The following CHLSN variants were observed in gnomAD, a reference collection of about 807,000 sequenced individuals.
CHLSN encodes the protein cholesin.
the CHLSN span, among the ~76,000 whole-genome samples, chr7:1,052,862 T>C: frequency 6.6e-6 from 1 of 152,158 alleles, no homozygotes; most frequent in African/African-American, 2.4e-5. This position sits in a 1 kb window ranked among gnomAD's most constrained non-coding sequence, Gnocchi z 4.2. Context: ...CTCTCCTGCC[T>C]TCTGAGGGAG....
the CHLSN span, among the ~76,000 whole-genome samples, chr7:1,114,543 C>T: frequency 2.0e-5 from 3 of 152,350 alleles, no homozygotes; most frequent in Middle Eastern, 3.4e-3. Flanking sequence ...CGGCTGCCCC[C>T]GCTCGGCCGC....
the CHLSN span, chr7:1,091,990 C>A: frequency 6.2e-7 from 1 of 1,614,086 alleles, no homozygotes; most frequent in Non-Finnish European, 8.5e-7. Context: ...CATCAGCTTC[C>A]GCGAGAAGAT....
At chr7:1,117,285 C>T in the CHLSN span, among the ~76,000 whole-genome samples, 1 of 82,540 alleles carries the variant, frequency 1.2e-5, no homozygotes, top group Non-Finnish European at 2.3e-5. Flanking sequence ...CCGACGCCCA[C>T]GCAGGATGAT....
the CHLSN span, among the ~76,000 whole-genome samples, chr7:1,121,523 G>A: frequency 2.6e-5 from 4 of 152,216 alleles, no homozygotes; most frequent in African/African-American, 9.7e-5. Flanking sequence ...CGGTCTTCAT[G>A]CTCTAGTAAT....
chr7:983,682 G>A, the CHLSN span, among the ~76,000 whole-genome samples: 1 of 152,248 alleles, frequency 6.6e-6, no homozygotes, highest in Non-Finnish European at 1.5e-5. Context: ...AGAGCCCGCA[G>A]GAGGCCAGGC....
the CHLSN span, chr7:1,092,725 G>T: frequency 6.2e-7 from 1 of 1,613,574 alleles, no homozygotes; most frequent in Non-Finnish European, 8.5e-7. Context: ...GACCTTCAGG[G>T]ACAAGCTGAG....
At chr7:1,012,143 G>A in the CHLSN span, among the ~76,000 whole-genome samples, 1 of 152,250 alleles carries the variant, frequency 6.6e-6, no homozygotes, top group Non-Finnish European at 1.5e-5. Context: ...CCACTCCATG[G>A]GCCACGCAGT....
the CHLSN span, among the ~76,000 whole-genome samples, chr7:1,060,542 G>A: frequency 6.6e-6 from 1 of 152,192 alleles, no homozygotes; most frequent in Non-Finnish European, 1.5e-5. Context: ...GGGACGTCAC[G>A]CTCTGGTCCC....
chr7:1,112,139 C>A, the CHLSN span, among the ~76,000 whole-genome samples: 2 of 152,184 alleles, frequency 1.3e-5, no homozygotes, highest in Non-Finnish European at 2.9e-5. Flanking sequence ...GCAGCAATGA[C>A]AGCATTAGAT....
the CHLSN span, chr7:985,444 G>A: frequency 1.7e-6 from 2 of 1,148,974 alleles, no homozygotes; most frequent in Non-Finnish European, 2.4e-6. Flanking sequence ...CCTTGCAAAA[G>A]GAATCAGATG....
At chr7:1,006,536 C>T in the CHLSN span, among the ~76,000 whole-genome samples, 3 of 141,030 alleles carry the variant, frequency 2.1e-5, no homozygotes, top group African/African-American at 8.3e-5. Flanking sequence ...AGGGAAAGAG[C>T]ACACGACGGC....
the CHLSN span, among the ~76,000 whole-genome samples, chr7:1,068,354 C>T: frequency 1.3e-5 from 2 of 152,146 alleles, no homozygotes; most frequent in Admixed American, 6.5e-5. Context: ...ATGCACATCC[C>T]CATGGTCACT....
the CHLSN span, among the ~76,000 whole-genome samples, chr7:1,053,906 G>A: frequency 3.3e-5 from 5 of 152,252 alleles, no homozygotes; most frequent in African/African-American, 1.2e-4. Context: ...CCTGCAGGCA[G>A]GAGACTCTCA....
chr7:1,054,046 T>G, the CHLSN span, among the ~76,000 whole-genome samples: 7 of 152,114 alleles, frequency 4.6e-5, no homozygotes, highest in African/African-American at 1.7e-4. Context: ...TGACCTGCCT[T>G]CCTTCCATGC....
At chr7:1,016,944 ACACGCCAGCG>A in the CHLSN span, among the ~76,000 whole-genome samples, 6 of 102,692 alleles carry the variant, frequency 5.8e-5, no homozygotes, top group African/African-American at 1.6e-4. Context: ...ACACGCCAGC[ACACGCCAGCG>A]CACAGCAGCA....
chr7:1,051,692 G>A, the CHLSN span, among the ~76,000 whole-genome samples: 1 of 152,226 alleles, frequency 6.6e-6, no homozygotes, highest in Non-Finnish European at 1.5e-5. Flanking sequence ...AACAAAAACA[G>A]GTCAGGCACA....
chr7:1,136,396 AT>A, the CHLSN span, among the ~76,000 whole-genome samples: 1 of 111,776 alleles, frequency 8.9e-6, no homozygotes, highest in Non-Finnish European at 1.7e-5. Flanking sequence ...AAACATATAT[AT>A]AAATATATAT....
the CHLSN span, among the ~76,000 whole-genome samples, chr7:1,067,220 C>T: frequency 2.0e-4 from 28 of 140,092 alleles, no homozygotes; most frequent in Admixed American, 1.6e-3. Flanking sequence ...CTGGAGTGCA[C>T]CCCAGAAGTG....
the CHLSN span, among the ~76,000 whole-genome samples, chr7:984,728 G>A: frequency 6.6e-6 from 1 of 152,216 alleles, no homozygotes; most frequent in Non-Finnish European, 1.5e-5. Context: ...AGAAGGGCCA[G>A]GTGTCCACAC....
Sources: allele counts gnomAD v4.1 joint callset (sites outside exome capture counted in the v4.1 genomes callset), GRCh38; gene constraint gnomAD v4.1.1; non-coding constraint Gnocchi (gnomAD v3.1); transcripts MANE v1.5; gene names NCBI Gene and HGNC (gene_info 2026-07-23, HGNC 2026-07-21).